Variants in CSMD1 observed in about 807,000 individuals in gnomAD.
The protein encoded by CSMD1 is CUB and Sushi multiple domains 1.
A neutral mutation model predicts 417.5 loss-of-function variants in CSMD1; 213 were observed. The observed-to-expected ratio is 0.51, with a 90% confidence interval of 0.46 to 0.57. The LOEUF is 0.57. Among genes scored for constraint, CSMD1 ranks in the 20% least tolerant of loss-of-function variants. The pLI is 0.00. For missense variants in CSMD1, 6,923 were observed against 4,529.7 expected, an observed-to-expected ratio of 1.53 and a Z score of -15.17; for synonymous variants, 2,862 against 1,736.8, an observed-to-expected ratio of 1.65 and a Z score of -16.11.
intron 1 of CSMD1, among the ~76,000 whole-genome samples, chr8:4,941,445 G>A (rs1396993037): frequency 6.6e-6 from 1 of 152,102 alleles, no homozygotes; most frequent in Non-Finnish European, 1.5e-5. Flanking sequence ...AAGCCATGTT[G>A]TACAACAAGT....
Position 3,080,461 on chromosome 8 carries a change from C to T in CSMD1, c.7474+6636G>A, listed in dbSNP as rs555471834. ...GGTCAAGCAAAGTGAGAAAAACAAC[C>T]TGGAGTTCCCTGAAACCAATAAAAT... On this transcript the variant is annotated intron_variant, in intron 49 of 69. Coordinates refer to ENST00000635120, the MANE Select transcript of CSMD1 (RefSeq NM_033225.6). 2.6e-5 allele frequency among the ~76,000 whole-genome samples: 4 copies of T among 152,306 alleles called. No homozygotes were observed. The East Asian group carries it at 7.7e-4, about 29-fold the overall frequency.
At chr8:4,331,241 C>G (rs1799852490) in intron 3 of CSMD1, among the ~76,000 whole-genome samples, 1 of 152,106 alleles carries the variant, frequency 6.6e-6, no homozygotes, top group African/African-American at 2.4e-5. Flanking sequence ...CTGTGGGAAC[C>G]TCTTTCAGAG....
chr8:3,722,965 T>G (rs1802273585), intron 6 of CSMD1, among the ~76,000 whole-genome samples: 1 of 152,200 alleles, frequency 6.6e-6, no homozygotes, highest in Non-Finnish European at 1.5e-5. Context: ...ACTTAAGAGC[T>G]TAAAGCAGCA....
At chr8:4,374,962 G>GGGTC in intron 3 of CSMD1, among the ~76,000 whole-genome samples, 1 of 49,846 alleles carries the variant, frequency 2.0e-5, no homozygotes, top group East Asian at 1.1e-3. Flanking sequence ...AAGGTGGGGT[G>GGGTC]GGGGGGGGGG....
intron 7 of CSMD1, among the ~76,000 whole-genome samples, chr8:3,676,940 G>A (rs1218151979): frequency 3.9e-5 from 6 of 152,032 alleles, no homozygotes; most frequent in African/African-American, 1.4e-4. Flanking sequence ...ACTCATAAGT[G>A]GGAGTTAAAC....
At chr8:3,803,768 T>A (rs746131857) in intron 5 of CSMD1, among the ~76,000 whole-genome samples, 1 of 152,146 alleles carries the variant, frequency 6.6e-6, no homozygotes, top group African/African-American at 2.4e-5. Flanking sequence ...CTGAAGTAAT[T>A]TGAGTAACAT....
At chr8:4,902,690 T>C (rs945078416) in intron 1 of CSMD1, among the ~76,000 whole-genome samples, 2 of 152,116 alleles carry the variant, frequency 1.3e-5, no homozygotes, top group African/African-American at 2.4e-5. Context: ...ATAGGTGATA[T>C]ACGCACATGA....
At chr8:3,963,918 A>G (rs1812501602) in intron 5 of CSMD1, among the ~76,000 whole-genome samples, 1 of 152,208 alleles carries the variant, frequency 6.6e-6, no homozygotes, top group Admixed American at 6.5e-5. Flanking sequence ...TGTATCCCAA[A>G]TTTCCTCCCT....
intron 52 of CSMD1, among the ~76,000 whole-genome samples, chr8:3,009,273 C>G (rs987812794): frequency 6.6e-6 from 1 of 152,188 alleles, no homozygotes; most frequent in Non-Finnish European, 1.5e-5. Context: ...GGGATTAGAA[C>G]GGAATCCATT....
chr8:3,692,501 G>A (rs370916229), intron 7 of CSMD1, among the ~76,000 whole-genome samples: 6 of 140,702 alleles, frequency 4.3e-5, no homozygotes, highest in Non-Finnish European at 4.4e-5. Context: ...GAGTGCACTG[G>A]CGCGATATCG....
intron 47 of CSMD1, among the ~76,000 whole-genome samples, chr8:3,093,443 G>T (rs1815089377): frequency 6.6e-6 from 1 of 152,174 alleles, no homozygotes. Flanking sequence ...GAGGCGAGTG[G>T]ATCGCCTGAG....
At chr8:4,344,826 T>C (rs1180874692) in intron 3 of CSMD1, among the ~76,000 whole-genome samples, 1 of 152,182 alleles carries the variant, frequency 6.6e-6, no homozygotes, top group African/African-American at 2.4e-5. Flanking sequence ...GCAGCTGATC[T>C]TTAAAAAGGA....
At chr8:4,321,319 C>T (rs983577017) in intron 3 of CSMD1, among the ~76,000 whole-genome samples, 13 of 152,080 alleles carry the variant, frequency 8.5e-5, no homozygotes, top group Admixed American at 7.2e-4. Context: ...ATTGTTTCCT[C>T]CTGAAATGGC....
At chr8:4,332,149 G>A (rs1398733040) in intron 3 of CSMD1, among the ~76,000 whole-genome samples, 1 of 152,094 alleles carries the variant, frequency 6.6e-6, no homozygotes, top group Non-Finnish European at 1.5e-5. Flanking sequence ...ATGTCAAGTT[G>A]CTTAGGTCAT....
intron 3 of CSMD1, among the ~76,000 whole-genome samples, chr8:4,315,246 G>A (rs1179309222): frequency 3.3e-5 from 5 of 152,274 alleles, no homozygotes; most frequent in Non-Finnish European, 5.9e-5. Context: ...CTGGCTTGAA[G>A]ACCAGAGTGA....
At chr8:4,192,731 T>C (rs1246177689) in intron 3 of CSMD1, among the ~76,000 whole-genome samples, 1 of 152,234 alleles carries the variant, frequency 6.6e-6, no homozygotes, top group East Asian at 1.9e-4. Context: ...ATTGTCTATG[T>C]ATTTGCACTT....
At chr8:4,002,087 T>C (rs957493472) in intron 4 of CSMD1, among the ~76,000 whole-genome samples, 4 of 152,146 alleles carry the variant, frequency 2.6e-5, no homozygotes, top group Admixed American at 6.5e-5. Flanking sequence ...GATTGATTAA[T>C]TGAATATTAC....
chr8:3,357,956 G>A (rs1359965235), intron 21 of CSMD1, among the ~76,000 whole-genome samples: 4 of 152,054 alleles, frequency 2.6e-5, no homozygotes, highest in Non-Finnish European at 4.4e-5. Context: ...ACGAAATTCT[G>A]ACTGTGTATC....
intron 5 of CSMD1, among the ~76,000 whole-genome samples, chr8:3,796,527 C>G (rs1451857214): frequency 7.1e-6 from 1 of 141,174 alleles, no homozygotes; most frequent in Non-Finnish European, 1.5e-5. Flanking sequence ...ATATCTATAT[C>G]TAAGATATAT....
Sources: gnomAD v4.1 joint callset for allele counts (sites outside exome capture counted in the v4.1 genomes callset) on GRCh38, gnomAD v4.1.1 for gene constraint, MANE v1.5 for transcripts, NCBI Gene and HGNC (gene_info 2026-07-23, HGNC 2026-07-21) for gene names.